SLC9A4: variants seen among roughly 807,000 people sequenced by gnomAD.
SLC9A4 encodes the protein solute carrier family 9 member A4, also known as sodium/hydrogen exchanger 4.
Under a neutral mutation model 67.4 loss-of-function variants are expected in SLC9A4, and 63 were observed. That is an observed-to-expected ratio of 0.93 (90% CI 0.76 to 1.15). The LOEUF is 1.15. Among genes scored for constraint, SLC9A4 ranks in the 50% most tolerant of loss-of-function variants. SLC9A4 has a pLI of 0.00. For missense variants in SLC9A4, 1,089 were observed against 987.7 expected (o/e 1.10, Z -1.38); for synonymous variants, 393 against 367.2 (o/e 1.07, Z -0.80).
At chr2:102,518,760 A>G (rs1292812386) in intron 8 of SLC9A4, among the ~76,000 whole-genome samples, 3 of 152,162 alleles carry the variant, frequency 2.0e-5, no homozygotes, top group Non-Finnish European at 4.4e-5. Flanking sequence ...AAACTAATAA[A>G]TACTCATGTC....
chr2:102,506,769 G>T (rs1279568918), intron 4 of SLC9A4, among the ~76,000 whole-genome samples: 2 of 152,126 alleles, frequency 1.3e-5, no homozygotes, highest in African/African-American at 4.8e-5. Context: ...AAAAAGAAAA[G>T]AAACTACCTA....
At chr2:102,507,439 T>TA (rs1685072688) in intron 4 of SLC9A4, among the ~76,000 whole-genome samples, 1 of 152,154 alleles carries the variant, frequency 6.6e-6, no homozygotes, top group Non-Finnish European at 1.5e-5. Flanking sequence ...ACCAATGTGG[T>TA]AGAAAACTCC....
chr2:102,492,274 G>A (rs1343530789), intron 2 of SLC9A4, among the ~76,000 whole-genome samples: 4 of 152,252 alleles, frequency 2.6e-5, no homozygotes, highest in East Asian at 3.9e-4. Flanking sequence ...CCCAAATGGG[G>A]AGTCTGTGTG....
intron 1 of SLC9A4, among the ~76,000 whole-genome samples, chr2:102,478,467 G>A (rs1038562566): frequency 6.6e-6 from 1 of 152,202 alleles, no homozygotes; most frequent in African/African-American, 2.4e-5. Context: ...AACAAGCTGA[G>A]GTTTTGGTGA....
At chr2:102,529,001 C>T (rs1265325172) in intron 11 of SLC9A4, among the ~76,000 whole-genome samples, 1 of 152,208 alleles carries the variant, frequency 6.6e-6, no homozygotes, top group Non-Finnish European at 1.5e-5. Flanking sequence ...TGAAGCCAGT[C>T]TCATACATGC....
Position 102,491,178 on chromosome 2 carries a change from A to G in SLC9A4, c.720+11876A>G, listed in dbSNP as rs1261646062. On this transcript the variant is annotated intron_variant, in intron 2 of 11. Transcript: ENST00000295269. ...AATCCTACAAGATTCCTAGAAGGGA[A>G]AGAAATATTGGATAAGCAGTACTAA... is the stretch of plus-strand genomic sequence containing the variant. Among the ~76,000 whole-genome samples, 4 of 152,322 alleles carry G rather than the reference A, an allele frequency of 2.6e-5. No individual in the cohort carries two copies. In the East Asian group the frequency reaches 7.7e-4, roughly 29 times the overall value.
chr2:102,491,083 A>G (rs1684688587), intron 2 of SLC9A4, among the ~76,000 whole-genome samples: 1 of 152,032 alleles, frequency 6.6e-6, no homozygotes, highest in South Asian at 2.1e-4. Flanking sequence ...ACAAACAAAA[A>G]CTCTCAAACT....
chr2:102,476,185 G>T (rs1301071364), intron 1 of SLC9A4, among the ~76,000 whole-genome samples: 1 of 152,162 alleles, frequency 6.6e-6, no homozygotes, highest in Non-Finnish European at 1.5e-5. Flanking sequence ...GTATAACAAA[G>T]ATAATACAAA....
intron 1 of SLC9A4, among the ~76,000 whole-genome samples, chr2:102,475,695 C>T (rs1684315756): frequency 6.6e-6 from 1 of 152,078 alleles, no homozygotes; most frequent in South Asian, 2.1e-4. Context: ...TTCATATTTA[C>T]TAGTCTTCAA....
At chr2:102,483,841 T>TATACAC (rs370126753) in intron 2 of SLC9A4, among the ~76,000 whole-genome samples, 101 of 126,710 alleles carry the variant, frequency 8.0e-4, no homozygotes, top group African/African-American at 2.2e-3. Flanking sequence ...TATATATATA[T>TATACAC]ACACACACAC....
At chr2:102,480,202 C>T (rs1242408069) in intron 2 of SLC9A4, among the ~76,000 whole-genome samples, 4 of 152,110 alleles carry the variant, frequency 2.6e-5, no homozygotes, top group African/African-American at 9.7e-5. Flanking sequence ...GAGGCAACCA[C>T]TTTTATCAGC....
intron 8 of SLC9A4, among the ~76,000 whole-genome samples, chr2:102,514,767 G>A (rs2104441717): frequency 6.6e-6 from 1 of 152,288 alleles, no homozygotes; most frequent in South Asian, 2.1e-4. Flanking sequence ...TGCATCTAAG[G>A]CGAAGGTCTA....
chr2:102,506,771 A>G (rs1240231484), intron 4 of SLC9A4, among the ~76,000 whole-genome samples: 1 of 152,198 alleles, frequency 6.6e-6, no homozygotes, highest in Non-Finnish European at 1.5e-5. Flanking sequence ...AAAGAAAAGA[A>G]ACTACCTAGG....
At chr2:102,495,913 A>C (rs926863106) in intron 2 of SLC9A4, among the ~76,000 whole-genome samples, 1 of 152,202 alleles carries the variant, frequency 6.6e-6, no homozygotes, top group Non-Finnish European at 1.5e-5. Flanking sequence ...ATCTCCTGGA[A>C]GAAAACATGG....
chr2:102,479,383 G>C, intron 2 of SLC9A4, 81 bp downstream of exon 2: 2 of 1,411,388 alleles, frequency 1.4e-6, no homozygotes, highest in Non-Finnish European at 1.9e-6. Context: ...TGTGGAGACG[G>C]CTCCAGTGTG....
At chr2:102,482,667 A>G (rs1338714432) in intron 2 of SLC9A4, among the ~76,000 whole-genome samples, 1 of 151,940 alleles carries the variant, frequency 6.6e-6, no homozygotes, top group African/African-American at 2.4e-5. Flanking sequence ...TTATTTGGTT[A>G]CTCTCACCCG....
chr2:102,485,795 C>T (rs1414981555), intron 2 of SLC9A4, among the ~76,000 whole-genome samples: 1 of 152,214 alleles, frequency 6.6e-6, no homozygotes. Flanking sequence ...TTCCTCAAGC[C>T]CCCAAGAGGG....
In SLC9A4 at chr2:102,493,945, C is replaced by T. The variant is rs114512317; in HGVS notation, c.721-9503C>T. 2.1e-3 allele frequency among the ~76,000 whole-genome samples: 312 copies of T among 151,998 alleles called. 8 individuals carry two copies. Among genetic ancestry groups the T allele is most frequent in the African/African-American group, 7.1e-3 (291 of 41,264 alleles). Reference sequence around the variant, plus strand: ...CTTCTTGAGGGTCTGTCTACTCTCACCCCTGAGTAGAAAGTCCCCTGTTAA... The same window carrying T: ...CTTCTTGAGGGTCTGTCTACTCTCATCCCTGAGTAGAAAGTCCCCTGTTAA... On this transcript the variant is annotated intron_variant, in intron 2 of 11. Transcript: ENST00000295269.
At chr2:102,514,305 C>T (rs950841567) in intron 8 of SLC9A4, 54 bp downstream of exon 8, 21 of 1,334,766 alleles carry the variant, frequency 1.6e-5, no homozygotes, top group African/African-American at 5.9e-5. Context: ...TTCCAAGGGG[C>T]GCTGACTCAT....
Sources: allele counts gnomAD v4.1 joint callset (sites outside exome capture counted in the v4.1 genomes callset), GRCh38; gene constraint gnomAD v4.1.1; transcripts MANE v1.5; gene names NCBI Gene and HGNC (gene_info 2026-07-23, HGNC 2026-07-21).